CYP1B1: variants seen among roughly 807,000 people sequenced by gnomAD.
CYP1B1 encodes the protein cytochrome P450 family 1 subfamily B member 1, also known as cytochrome P450 1B1.
In CYP1B1, 22 loss-of-function variants were observed where a neutral mutation model predicts 29.9. The observed-to-expected ratio is 0.74, with a 90% CI of 0.53 to 1.05. The LOEUF is 1.05. Among genes scored for constraint, CYP1B1 ranks in the 50% least tolerant of loss-of-function variants. The pLI, the probability that CYP1B1 is intolerant of heterozygous loss-of-function variation, is 0.00. For missense variants in CYP1B1, 883 were observed against 746.9 expected (o/e 1.18, Z -2.12); for synonymous variants, 375 against 320.0 (o/e 1.17, Z -1.83).
At position 38,068,520 on chromosome 2, in the gene CYP1B1, G is replaced by T. The variant is rs903570812; in HGVS notation, c.*2202C>A. 3.1e-4 allele frequency: 70 copies of T among 225,860 alleles called. No homozygotes were observed. The highest frequency in any genetic ancestry group is 1.5e-3 in the African/African-American group (68 of 44,976). The allele number at this position is 225,860 out of a possible 1,614,324, so 14.0% of individuals were successfully genotyped here. A position where few individuals can be genotyped will look rare whatever the true frequency, so the allele number is the denominator to read the frequency against. On this transcript the variant is annotated 3_prime_UTR_variant, in exon 3 of 3. Transcript: ENST00000610745. ...CAATCTAAAAAAATAGGCTACAGCA[G>T]CCCAAATTCACTGTCTCAGCCTTGG... is the stretch of plus-strand genomic sequence containing the variant.
In CYP1B1 at chr2:38,072,136, C is replaced by T. The variant is rs147661350; in HGVS notation, c.1044-826G>A. On this transcript the variant is annotated intron_variant, in intron 2 of 2. Coordinates refer to ENST00000610745, the MANE Select transcript of CYP1B1 (RefSeq NM_000104.4). Reference sequence around the variant, plus strand: ...GAGACATGAAGGTAACCTCTTCCCGCCTCATTTTAAACCCAGTAATCCATG... The same window carrying T: ...GAGACATGAAGGTAACCTCTTCCCGTCTCATTTTAAACCCAGTAATCCATG... Among the ~76,000 whole-genome samples, 274 of 152,316 alleles carry T rather than the reference C, an allele frequency of 1.8e-3. 1 individual carries two copies. The highest frequency in any genetic ancestry group is 5.9e-3 in the African/African-American group (244 of 41,552).
rs565041396 is a variant in CYP1B1 at position 38,075,221 on chromosome 2, C to T, written c.168G>A (p.Ala56=). ...QLRSAPPGPF[A]WPLIGNAAAV... is the part of the protein sequence containing the mutation. ...CCGCCGCGTTTCCGATCAGTGGCCA[C>T]GCAAACGGGCCCGGGGGCGCGGACC... Residue 56 remains alanine, a synonymous_variant, in exon 2 of 3, where the codon GCG becomes GCA. Transcript: ENST00000610745. The T allele has an allele frequency of 1.3e-5, 20 of 1,583,432 alleles. No individual in the cohort carries two copies. The highest frequency in any genetic ancestry group is 1.0e-4 in the South Asian group (9 of 88,814).
chr2:38,071,308 T>C lies in CYP1B1; in HGVS notation c.1046A>G (p.Tyr349Cys). Residue 349 changes from tyrosine to cysteine, a missense_variant and splice_region_variant, in exon 3 of 3, where the codon TAT becomes TGT. Coordinates refer to ENST00000610745, the MANE Select transcript of CYP1B1 (RefSeq NM_000104.4). ...LQWLLLLFTR[Y>C]PDVQTRVQAE... The stretch of plus-strand genomic sequence containing the variant: ...CTGCACTCGAGTCTGCACATCAGGA[T>C]ACCTGTTTGGTGTTTAATGTGGAGA... 1 of 1,612,964 alleles carries C rather than the reference T, an allele frequency of 6.2e-7. No homozygotes were observed. Among genetic ancestry groups the C allele is most frequent in the Admixed American group, 1.7e-5 (1 of 60,024 alleles).
rs201181935 is a variant in CYP1B1 at position 38,071,064 on chromosome 2, G to A, written c.1290C>T (p.Asp430=). 6.2e-7 allele frequency: 1 copy of A among 1,613,546 alleles called. No homozygotes were observed. ...VFVNQWSVNH[D]PLKWPNPENF... The stretch of plus-strand genomic sequence containing the variant: ...TCTCCGGGTTAGGCCACTTCAGTGG[G>A]TCATGATTCACAGACCACTGGTTGA... Residue 430 remains aspartate, a synonymous_variant, in exon 3 of 3, where the codon GAC becomes GAT. Transcript: ENST00000610745.
intron 2 of CYP1B1, chr2:38,074,062 G>A: frequency 1.8e-6 from 1 of 548,372 alleles, no homozygotes; most frequent in African/African-American, 1.9e-5. Flanking sequence ...TTTTCCGGGG[G>A]GTGGAGGGGT....
rs937119784 is a variant in CYP1B1, at chr2:38,075,295, T to G, written c.94A>C (p.Thr32Pro). 2.0e-5 allele frequency: 32 copies of G among 1,610,316 alleles called. No individual in the cohort carries two copies. The highest frequency in any genetic ancestry group is 2.5e-5 in the Non-Finnish European group (30 of 1,179,312). The stretch of plus-strand genomic sequence containing the variant: ...AGCAGCCGCTGGCCCACATGCACAG[T>G]GGCCAGCACCGACAGGAGTAGCAGG... ...TLLLLLSVLA[T>P]VHVGQRLLRQ... Residue 32 changes from threonine (T) to proline (P), a missense_variant, in exon 2 of 3, where the codon ACT becomes CCT. Transcript: ENST00000610745.
rs1050119478 is a variant in CYP1B1 at position 38,070,669 on chromosome 2, C to T, written c.*53G>A. The T allele has an allele frequency of 2.0e-6, 3 of 1,509,094 alleles. No individual in the cohort carries two copies. In the African/African-American group the frequency reaches 4.1e-5, roughly 21 times the overall value. The allele number at this position is 1,509,094 out of a possible 1,614,324, so 93.5% of individuals were successfully genotyped here. On this transcript the variant is annotated 3_prime_UTR_variant, in exon 3 of 3. Coordinates refer to ENST00000610745, the MANE Select transcript of CYP1B1 (RefSeq NM_000104.4). ...AACTGGAAAAAAACTGAATTTTACT[C>T]CTCATCTCCGAAGATGTGAATATTT...
Position 38,075,302 on chromosome 2 carries a change from C to T in CYP1B1, c.87G>A (p.Val29=), listed in dbSNP as rs753594808. The T allele has an allele frequency of 4.3e-6, 7 of 1,611,070 alleles. No individual in the cohort carries two copies. Among genetic ancestry groups the T allele is most frequent in the Admixed American group, 1.7e-5 (1 of 59,768 alleles). Reference sequence around the variant, plus strand: ...GCTGGCCCACATGCACAGTGGCCAGCACCGACAGGAGTAGCAGGAGCGTGG... The same window carrying T: ...GCTGGCCCACATGCACAGTGGCCAGTACCGACAGGAGTAGCAGGAGCGTGG... The part of the protein sequence containing the change: ...QQTTLLLLLS[V]LATVHVGQRL... The change falls in exon 2 of 3, where the codon GTG becomes GTA. Residue 29 remains valine, a synonymous_variant. Coordinates refer to ENST00000610745, the MANE Select transcript of CYP1B1 (RefSeq NM_000104.4).
chr2:38,074,456 A>C lies in CYP1B1; in HGVS notation c.933T>G (p.Gly311=), dbSNP rs1573274987. The C allele has an allele frequency of 1.9e-6, 3 of 1,612,978 alleles. No homozygotes were observed. Among genetic ancestry groups the C allele is most frequent in the Non-Finnish European group, 2.5e-6 (3 of 1,179,790 alleles). Residue 311 remains glycine (G), a synonymous_variant, in exon 2 of 3, where the codon GGT becomes GGG. Transcript: ENST00000610745. ...EKKAAGDSHG[G]GARLDLENVP... ...CGTTCTCCAAATCCAGCCGCGCGCC[A>C]CCACCGTGCGAGTCCCCGGCCGCCT...
Position 38,074,980 on chromosome 2 carries a change from A to T in CYP1B1, c.409T>A (p.Tyr137Asn), listed in dbSNP as rs1164996553. ...SGGRSMAFGH[Y>N]SEHWKVQRRA... is the part of the protein sequence containing the mutation. ...CGCTGCACCTTCCAGTGCTCCGAGT[A>T]GTGGCCGAAAGCCATGCTGCGGCCG... Residue 137 changes from tyrosine to asparagine, a missense_variant, in exon 2 of 3, where the codon TAC (tyrosine) becomes AAC (asparagine). Coordinates refer to ENST00000610745, the MANE Select transcript of CYP1B1 (RefSeq NM_000104.4). 6.3e-7 allele frequency: 1 copy of T among 1,587,046 alleles called. No individual in the cohort carries two copies. Among genetic ancestry groups the T allele is most frequent in the Non-Finnish European group, 8.5e-7 (1 of 1,174,640 alleles).
At position 38,074,317 on chromosome 2, in the gene CYP1B1, AC is replaced by A. The variant is rs776880384; in HGVS notation, c.1043+28del. 1.2e-5 allele frequency: 20 copies of A among 1,609,698 alleles called. No homozygotes were observed. The African/African-American group carries it at 2.5e-4, about 20-fold the overall frequency. On this transcript the variant is annotated intron_variant, in intron 2 of 2. Transcript: ENST00000610745. ...CTCCGCCTTTTTCAGAGGAGAAAAG[AC>A]CTGGCCCACGCCTCCCAGAGGCTTT... is the stretch of plus-strand genomic sequence containing the variant.
At position 38,071,266 on chromosome 2, in the gene CYP1B1, A is replaced by G. The variant is rs1408481852; in HGVS notation, c.1088T>C (p.Val363Ala). 1 of 1,612,936 alleles carries G rather than the reference A, an allele frequency of 6.2e-7. No individual in the cohort carries two copies. The highest frequency in any genetic ancestry group is 8.5e-7 in the Non-Finnish European group (1 of 1,180,012). ...ACAAGGCAGACGGTCCCTCCCCACG[A>G]CCTGATCCAATTCTGCCTGCACTCG... ...QTRVQAELDQ[V>A]VGRDRLPCMG... is the part of the protein sequence containing the mutation. Residue 363 changes from valine to alanine, a missense_variant, in exon 3 of 3, where the codon GTC (valine) becomes GCC (alanine). Physicochemically the swap from Val to Ala is moderately conservative, Grantham distance 64. Coordinates refer to ENST00000610745, the MANE Select transcript of CYP1B1 (RefSeq NM_000104.4).
Position 38,068,090 on chromosome 2 carries a change from A to G in CYP1B1, c.*2632T>C, listed in dbSNP as rs1005014450. On this transcript the variant is annotated 3_prime_UTR_variant, in exon 3 of 3. Coordinates refer to ENST00000610745, the MANE Select transcript of CYP1B1 (RefSeq NM_000104.4). The stretch of plus-strand genomic sequence containing the variant: ...TTGCTTATAGAGTCAAAGCTTTGAC[A>G]TACAAATGAAGCATTTAATAAACAT... 1 of 203,748 alleles carries G rather than the reference A, an allele frequency of 4.9e-6. No individual in the cohort carries two copies. Among genetic ancestry groups the G allele is most frequent in the African/African-American group, 2.3e-5 (1 of 43,672 alleles). 12.6% of individuals were successfully genotyped at this position (203,748 alleles called of 1,614,324 possible).
chr2:38,072,604 C>T (rs1489839546), intron 2 of CYP1B1, among the ~76,000 whole-genome samples: 3 of 152,128 alleles, frequency 2.0e-5, no homozygotes, highest in African/African-American at 4.8e-5. Context: ...AATGTATACA[C>T]GTATGTGATG....
chr2:38,071,398 C>T (rs533651620), intron 2 of CYP1B1, 88 bp from the exon 3 acceptor site: 7 of 1,276,508 alleles, frequency 5.5e-6, no homozygotes, highest in South Asian at 3.8e-5. Flanking sequence ...ATTTTAATTC[C>T]ACTTTTTCTT....
chr2:38,072,078 C>A (rs1239707094), intron 2 of CYP1B1, among the ~76,000 whole-genome samples: 2 of 152,170 alleles, frequency 1.3e-5, no homozygotes, highest in Non-Finnish European at 2.9e-5. Flanking sequence ...CTGATACAAT[C>A]TTTTTAAAAA....
intron 1 of CYP1B1, 21 bp from the exon 2 acceptor site, chr2:38,075,410 G>T: frequency 6.2e-7 from 1 of 1,608,800 alleles, no homozygotes; most frequent in Non-Finnish European, 8.5e-7. Flanking sequence ...AGAGGAGAAG[G>T]CGTGACACTC....
chr2:38,074,166 G>A (rs978161799), intron 2 of CYP1B1, 180 bp downstream of exon 2: 3 of 684,852 alleles, frequency 4.4e-6, no homozygotes, highest in African/African-American at 1.8e-5. Context: ...GGTGGGGCGC[G>A]TGCGCGTGTC....
chr2:38,069,543 G>T lies in CYP1B1; in HGVS notation c.*1179C>A. On this transcript the variant is annotated 3_prime_UTR_variant, in exon 3 of 3. Coordinates refer to ENST00000610745, the MANE Select transcript of CYP1B1 (RefSeq NM_000104.4). ...ATTAATTAGGTTATTTTCAAAACAAGATTCTGTATTATAAATAGAATTTCA... is the reference window on the plus strand; with the variant it reads ...ATTAATTAGGTTATTTTCAAAACAATATTCTGTATTATAAATAGAATTTCA... 5.1e-6 allele frequency: 1 copy of T among 195,328 alleles called. No individual in the cohort carries two copies. The highest frequency in any genetic ancestry group is 8.1e-5 in the East Asian group (1 of 12,280). 12.1% of individuals were successfully genotyped at this position (195,328 alleles called of 1,614,324 possible). A position where few individuals can be genotyped will look rare whatever the true frequency, so the allele number is the denominator to read the frequency against.
Sources: allele counts gnomAD v4.1 joint callset (sites outside exome capture counted in the v4.1 genomes callset), GRCh38; gene constraint gnomAD v4.1.1; transcripts MANE v1.5; gene names NCBI Gene and HGNC (gene_info 2026-07-23, HGNC 2026-07-21).